The following NRG1 variants were observed in gnomAD, a reference collection of about 807,000 sequenced individuals.
NRG1 encodes pro-neuregulin-1, membrane-bound isoform.
A neutral mutation model predicts 63.8 loss-of-function variants in NRG1; 18 were observed. That is an observed-to-expected ratio of 0.28 (90% CI 0.19 to 0.42). The LOEUF (loss-of-function observed/expected upper bound fraction) is 0.42. Ranked by LOEUF, NRG1 falls within the 10% of genes least tolerant of loss-of-function variation. The pLI is 1.00. For missense variants in NRG1, 762 were observed against 814.7 expected, an observed-to-expected ratio of 0.94 and a Z score of 0.79; for synonymous variants, 302 against 301.3, an observed-to-expected ratio of 1.00 and a Z score of -0.02.
Position 31,640,019 on chromosome 8 carries a change from G to T in NRG1, c.37+588G>T, listed in dbSNP as rs932215613. ...CGACGCGCCCCGCGCCGCTCCGGGC[G>T]TCCCGGCCCCCGGGCCCAGCGCCCC... On this transcript the variant is annotated intron_variant, in intron 1 of 10. Transcript: ENST00000519301. The surrounding 1 kb of genome is among the most constrained non-coding windows in gnomAD (Gnocchi z 6.3). 5.3e-6 allele frequency: 6 copies of T among 1,134,936 alleles called. No individual in the cohort carries two copies. Among genetic ancestry groups the T allele is most frequent in the African/African-American group, 3.3e-5 (2 of 60,622 alleles). 70.3% of individuals were successfully genotyped at this position (1,134,936 alleles called of 1,614,324 possible).
chr8:32,386,293 G>A (rs1389407435), intron 1 of NRG1, among the ~76,000 whole-genome samples: 1 of 152,190 alleles, frequency 6.6e-6, no homozygotes, highest in Non-Finnish European at 1.5e-5. Context: ...TAAGAAAGCT[G>A]TCTCTCTATT....
chr8:32,489,965 G>A (rs1484251533), intron 1 of NRG1, among the ~76,000 whole-genome samples: 1 of 152,196 alleles, frequency 6.6e-6, no homozygotes, highest in Non-Finnish European at 1.5e-5. Context: ...TTCTCAAAGT[G>A]TAGTATCTGG....
rs534646327 is a variant in NRG1 at position 32,583,702 on chromosome 8, C to A, written c.101-12126C>A. ...ATAATGCAAATTTCACCATCAATGCCCTACCCTGGGCTCACCCAGAAGGCA... is the reference window on the plus strand; with the variant it reads ...ATAATGCAAATTTCACCATCAATGCACTACCCTGGGCTCACCCAGAAGGCA... On this transcript the variant is annotated intron_variant, in intron 1 of 11. Transcript: ENST00000356819. Among the ~76,000 whole-genome samples, 6 of 152,240 alleles carry A rather than the reference C, an allele frequency of 3.9e-5. No homozygotes were observed. In the East Asian group the frequency reaches 1.2e-3, roughly 29 times the overall value.
At chr8:32,187,870 G>GTGCC (rs1234050047) in intron 1 of NRG1, among the ~76,000 whole-genome samples, 1 of 152,124 alleles carries the variant, frequency 6.6e-6, no homozygotes, top group Non-Finnish European at 1.5e-5. Flanking sequence ...TACCCACTTA[G>GTGCC]TGCCTGCACT....
At chr8:32,771,715 A>AATATAT (rs1193253997), downstream of NRG1, among the ~76,000 whole-genome samples, 13 of 111,846 alleles carry the variant, frequency 1.2e-4, no homozygotes, top group African/African-American at 3.1e-4. Context: ...TTAAAAAAAA[A>AATATAT]ATATATATAT....
At chr8:31,896,506 G>T (rs1301401313) in intron 1 of NRG1, among the ~76,000 whole-genome samples, 1 of 152,138 alleles carries the variant, frequency 6.6e-6, no homozygotes, top group Non-Finnish European at 1.5e-5. Flanking sequence ...TGCTTTAAAT[G>T]TTACCATTCT....
intron 1 of NRG1, among the ~76,000 whole-genome samples, chr8:32,501,939 C>T (rs1262431999): frequency 6.6e-6 from 1 of 152,010 alleles, no homozygotes; most frequent in African/African-American, 2.4e-5. Flanking sequence ...CCAGCCTAGG[C>T]AATATAGTGA....
chr8:32,435,820 T>C (rs1206906198), intron 1 of NRG1, among the ~76,000 whole-genome samples: 1 of 152,232 alleles, frequency 6.6e-6, no homozygotes, highest in Admixed American at 6.5e-5. Context: ...GATCCTAATA[T>C]AGGATGTACA....
chr8:31,927,565 C>T (rs1834477174), intron 1 of NRG1, among the ~76,000 whole-genome samples: 1 of 148,516 alleles, frequency 6.7e-6, no homozygotes, highest in Admixed American at 6.7e-5. Flanking sequence ...TCTCCTGCCT[C>T]AGCCTCCCAA....
intron 1 of NRG1, among the ~76,000 whole-genome samples, chr8:32,453,773 A>T (rs1821269894): frequency 6.6e-6 from 1 of 152,186 alleles, no homozygotes; most frequent in South Asian, 2.1e-4. Flanking sequence ...ATAATAACTG[A>T]AGAAACCAGG....
intron 1 of NRG1, among the ~76,000 whole-genome samples, chr8:31,829,406 C>T (rs1163989994): frequency 1.3e-5 from 2 of 152,146 alleles, no homozygotes; most frequent in African/African-American, 2.4e-5. Context: ...ACCATGCTCA[C>T]GGCTACAAAT....
chr8:32,710,185 G>T (rs1817460823), intron 5 of NRG1, among the ~76,000 whole-genome samples: 1 of 152,254 alleles, frequency 6.6e-6, no homozygotes, highest in South Asian at 2.1e-4. Context: ...TGTGTGATTT[G>T]CATGTTATAT....
At chr8:32,145,870 G>T (rs542391010) in intron 1 of NRG1, among the ~76,000 whole-genome samples, 1 of 152,154 alleles carries the variant, frequency 6.6e-6, no homozygotes, top group African/African-American at 2.4e-5. Flanking sequence ...TGTAACCACT[G>T]GTCCTTTGGG....
At chr8:32,199,431 C>T (rs1843280186) in intron 1 of NRG1, among the ~76,000 whole-genome samples, 1 of 152,136 alleles carries the variant, frequency 6.6e-6, no homozygotes, top group South Asian at 2.1e-4. Flanking sequence ...TTACAATTAC[C>T]CTGTTTTCCA....
At chr8:32,626,987 T>G (rs956351627) in intron 5 of NRG1, among the ~76,000 whole-genome samples, 4 of 151,974 alleles carry the variant, frequency 2.6e-5, no homozygotes, top group Non-Finnish European at 5.9e-5. Flanking sequence ...ACCACTGCAC[T>G]CTGGCCTGGG....
In NRG1 at chr8:32,255,491, C is replaced by A. The variant is rs561709583; in HGVS notation, c.38-340337C>A. On this transcript the variant is annotated intron_variant, in intron 1 of 10. Coordinates refer to the NRG1 transcript ENST00000519301. ...GATATGTAATTCTGGGTTGAAAATT[C>A]TTTTCTTTAAGAGTGTTGAATATTG... Among the ~76,000 whole-genome samples the A allele has an allele frequency of 2.0e-5, 3 of 152,298 alleles. No individual in the cohort carries two copies. The East Asian group carries it at 5.8e-4, about 29-fold the overall frequency.
rs1228163036 is a variant in NRG1, at chr8:31,892,866, TG to T, written c.37+253437del. ...TCAAACAAACTCCTACAAAAGTTTT[TG>T]GTTATGGCATCCATTTTGGAATTTG... On this transcript the variant is annotated intron_variant, in intron 1 of 10. Coordinates refer to the NRG1 transcript ENST00000519301. 2.0e-5 allele frequency among the ~76,000 whole-genome samples: 3 copies of T among 152,102 alleles called. No individual in the cohort carries two copies. In the East Asian group the frequency reaches 5.8e-4, roughly 29 times the overall value.
At chr8:32,307,605 G>A (rs1173252941) in intron 1 of NRG1, among the ~76,000 whole-genome samples, 1 of 151,760 alleles carries the variant, frequency 6.6e-6, no homozygotes, top group Non-Finnish European at 1.5e-5. Flanking sequence ...GTGTGTGTGT[G>A]TGTGTGTGTG....
At chr8:31,652,959 C>T (rs1413464171) in intron 1 of NRG1, among the ~76,000 whole-genome samples, 4 of 2,944 alleles carry the variant, frequency 1.4e-3, no homozygotes, top group African/African-American at 2.2e-3. Context: ...TCTCTTCTCT[C>T]CTCTCCTCTC....
Sources: allele counts gnomAD v4.1 joint callset (sites outside exome capture counted in the v4.1 genomes callset), GRCh38; gene constraint gnomAD v4.1.1; non-coding constraint Gnocchi (gnomAD v3.1); transcripts MANE v1.5; gene names NCBI Gene and HGNC (gene_info 2026-07-23, HGNC 2026-07-21).